RNF125: variants seen among roughly 807,000 people sequenced by gnomAD.
RNF125 encodes ring finger protein 125, also known as E3 ubiquitin-protein ligase RNF125.
Under a neutral mutation model 26.0 loss-of-function variants are expected in RNF125, and 21 were observed. That is an observed-to-expected ratio of 0.81 (90% CI 0.57 to 1.16). The LOEUF is 1.16. RNF125 is among the 50% of genes most tolerant of loss of function. The pLI, the probability that RNF125 is intolerant of heterozygous loss-of-function variation, is 0.00. For synonymous variants in RNF125, 95 were observed against 109.2 expected (o/e 0.87, Z 0.81); for missense variants, 270 against 299.4 (o/e 0.90, Z 0.72).
chr18:32,050,772 G>GAGAC (rs1337619579), intron 4 of RNF125, among the ~76,000 whole-genome samples: 1 of 146,328 alleles, frequency 6.8e-6, no homozygotes, highest in Non-Finnish European at 1.5e-5. Flanking sequence ...TAACATTAAT[G>GAGAC]AGACCACTTT....
At chr18:32,020,463 C>G (rs2038976340) in intron 1 of RNF125, among the ~76,000 whole-genome samples, 1 of 151,852 alleles carries the variant, frequency 6.6e-6, no homozygotes, top group Non-Finnish European at 1.5e-5. Context: ...TATGATGAAG[C>G]CATGTGTGAT....
chr18:32,053,152 C>T lies in RNF125; in HGVS notation c.504+7420C>T, dbSNP rs141733314. On this transcript the variant is annotated intron_variant, in intron 4 of 5. Transcript: ENST00000217740. ...CCGAGGCAGGGAGATCACCTGAGGT[C>T]GGGAGTTCGAGACCAGCCTGACCAA... 7.7e-3 allele frequency among the ~76,000 whole-genome samples: 1,173 copies of T among 152,254 alleles called. 16 individuals carry two copies. The highest frequency in any genetic ancestry group is 0.027 in the African/African-American group (1,106 of 41,546).
intron 4 of RNF125, among the ~76,000 whole-genome samples, chr18:32,065,156 G>A (rs899697165): frequency 1.3e-5 from 2 of 152,154 alleles, no homozygotes; most frequent in Non-Finnish European, 2.9e-5. Flanking sequence ...TAATACTGAG[G>A]TATGGCTAAT....
At chr18:32,087,815 G>A in the RNF125 span, among the ~76,000 whole-genome samples, 2 of 152,208 alleles carry the variant, frequency 1.3e-5, no homozygotes, top group East Asian at 3.9e-4. Context: ...AGGCTGTAAT[G>A]CACATAGTAT....
intron 2 of RNF125, among the ~76,000 whole-genome samples, chr18:32,041,022 C>T (rs997562212): frequency 1.3e-5 from 2 of 152,134 alleles, no homozygotes; most frequent in Admixed American, 1.3e-4. Flanking sequence ...GTTTCCTTGA[C>T]ACGGCAGATT....
chr18:32,066,184 T>C, intron 5 of RNF125, 175 bp downstream of exon 5: 1 of 445,374 alleles, frequency 2.2e-6, no homozygotes, highest in Non-Finnish European at 4.1e-6. Context: ...GTGCAGTGGC[T>C]CACGCCTGTA....
intron 1 of RNF125, among the ~76,000 whole-genome samples, chr18:32,032,862 C>A (rs1568195111): frequency 6.6e-6 from 1 of 151,724 alleles, no homozygotes; most frequent in African/African-American, 2.4e-5. Context: ...CAAAAAAAAC[C>A]AAAAAAACCC....
At chr18:32,025,847 G>A (rs1367557406) in intron 1 of RNF125, among the ~76,000 whole-genome samples, 2 of 151,824 alleles carry the variant, frequency 1.3e-5, no homozygotes, top group Non-Finnish European at 2.9e-5. Flanking sequence ...GGCAGAAGGG[G>A]AAGGAAATGG....
chr18:32,087,598 C>T, the RNF125 span, among the ~76,000 whole-genome samples: 6 of 151,146 alleles, frequency 4.0e-5, no homozygotes, highest in African/African-American at 1.5e-4. Context: ...TGTTGTGGTG[C>T]GTGAGAGTAA....
At chr18:32,021,236 C>T (rs560486696) in intron 1 of RNF125, among the ~76,000 whole-genome samples, 2 of 152,294 alleles carry the variant, frequency 1.3e-5, no homozygotes, top group East Asian at 1.9e-4. Flanking sequence ...GCCGCCACCA[C>T]GCCCGGCTAA....
intron 4 of RNF125, among the ~76,000 whole-genome samples, chr18:32,047,701 AGTTTTTAGGG>A (rs1165584815): frequency 6.6e-6 from 1 of 152,150 alleles, no homozygotes; most frequent in Non-Finnish European, 1.5e-5. Context: ...TTCTCATATG[AGTTTTTAGGG>A]GTTTTTAATT....
the RNF125 span, among the ~76,000 whole-genome samples, chr18:32,090,352 T>G: frequency 2.0e-5 from 3 of 152,228 alleles, no homozygotes; most frequent in African/African-American, 7.2e-5. Context: ...CTACTGCTAT[T>G]AGCTGCCCCT....
chr18:32,055,330 G>A (rs1015105764), intron 4 of RNF125, among the ~76,000 whole-genome samples: 1 of 151,200 alleles, frequency 6.6e-6, no homozygotes, highest in African/African-American at 2.4e-5. Flanking sequence ...ATTAGACCAA[G>A]TTATTCTTAT....
chr18:32,058,113 CAGAGTG>C (rs956984467), intron 4 of RNF125, among the ~76,000 whole-genome samples: 29 of 121,362 alleles, frequency 2.4e-4, no homozygotes, highest in African/African-American at 9.3e-4. Flanking sequence ...GCCTGGGTGA[CAGAGTG>C]AGACCCCATC....
intron 4 of RNF125, among the ~76,000 whole-genome samples, chr18:32,047,270 C>T (rs1006261709): frequency 6.6e-6 from 1 of 152,158 alleles, no homozygotes; most frequent in African/African-American, 2.4e-5. Context: ...GATCTTCTGA[C>T]CTTGTGGTTC....
intron 4 of RNF125, among the ~76,000 whole-genome samples, chr18:32,064,619 A>G (rs1446010600): frequency 1.3e-5 from 2 of 151,854 alleles, no homozygotes; most frequent in African/African-American, 2.4e-5. Context: ...TCTTTTTTCA[A>G]GCAATTCTCC....
At chr18:32,021,578 C>T (rs556832041) in intron 1 of RNF125, among the ~76,000 whole-genome samples, 8 of 152,194 alleles carry the variant, frequency 5.3e-5, no homozygotes, top group African/African-American at 1.9e-4. Context: ...GCAATAACAG[C>T]CTAAAGATAT....
intron 1 of RNF125, among the ~76,000 whole-genome samples, chr18:32,025,416 C>T (rs1019553472): frequency 6.6e-6 from 1 of 152,054 alleles, no homozygotes; most frequent in Non-Finnish European, 1.5e-5. Context: ...GTAATCCCAG[C>T]ATTTTGGGAG....
intron 1 of RNF125, among the ~76,000 whole-genome samples, chr18:32,028,690 C>T (rs2039064227): frequency 6.7e-6 from 1 of 150,002 alleles, no homozygotes; most frequent in African/African-American, 2.5e-5. Flanking sequence ...GTAGCTGGGA[C>T]TACAGGTGTG....
Sources: allele counts gnomAD v4.1 joint callset (sites outside exome capture counted in the v4.1 genomes callset), GRCh38; gene constraint gnomAD v4.1.1; transcripts MANE v1.5; gene names NCBI Gene and HGNC (gene_info 2026-07-23, HGNC 2026-07-21).